Variants in SORCS1 observed in about 807,000 individuals in gnomAD.
The protein encoded by SORCS1 is VPS10 domain-containing receptor SorCS1.
Under a neutral mutation model 146.1 loss-of-function variants are expected in SORCS1, and 60 were observed. The ratio of observed to expected loss-of-function variants is 0.41; its 90% CI spans 0.33 to 0.51. The LOEUF is 0.51. Ranked by LOEUF, SORCS1 falls within the 20% of genes least tolerant of loss-of-function variation. The pLI is 0.21. For synonymous variants in SORCS1, 637 were observed against 584.0 expected, an observed-to-expected ratio of 1.09 and a Z score of -1.31; for missense variants, 1,352 against 1,487.6, an observed-to-expected ratio of 0.91 and a Z score of 1.50.
intron 2 of SORCS1, among the ~76,000 whole-genome samples, chr10:106,913,386 T>A (rs2138276407): frequency 6.6e-6 from 1 of 152,312 alleles, no homozygotes; most frequent in South Asian, 2.1e-4. Context: ...ACACCAATTC[T>A]TCATTTAAAT....
chr10:106,695,083 G>T (rs774007545), intron 9 of SORCS1, among the ~76,000 whole-genome samples: 3 of 151,958 alleles, frequency 2.0e-5, no homozygotes, highest in Admixed American at 2.0e-4. Context: ...CTGATGCACT[G>T]CATGATGCAC....
intron 2 of SORCS1, among the ~76,000 whole-genome samples, chr10:106,890,741 T>C (rs1037021335): frequency 6.6e-6 from 1 of 152,230 alleles, no homozygotes; most frequent in Non-Finnish European, 1.5e-5. Context: ...TTGGCCCTGT[T>C]TGTACCTCTA....
chr10:106,577,090 CTTG>C lies in SORCS1; in HGVS notation c.*327_*329del. On this transcript the variant is annotated 3_prime_UTR_variant, in exon 26 of 26. Coordinates refer to ENST00000263054, the MANE Select transcript of SORCS1 (RefSeq NM_052918.5). The stretch of plus-strand genomic sequence containing the variant: ...ATGCACAGGCTTAAAGCTAAAAACC[CTTG>C]TTGTCTGTGTCTGAAGAATTAAAAA... The C allele has an allele frequency of 2.7e-6, 2 of 735,014 alleles. No homozygotes were observed. Among genetic ancestry groups the C allele is most frequent in the South Asian group, 1.8e-5 (1 of 55,852 alleles). 45.5% of individuals were successfully genotyped at this position (735,014 alleles called of 1,614,324 possible). A position where few individuals can be genotyped will look rare whatever the true frequency, so the allele number is the denominator to read the frequency against.
At chr10:106,872,529 G>A (rs1950450540) in intron 2 of SORCS1, among the ~76,000 whole-genome samples, 1 of 152,174 alleles carries the variant, frequency 6.6e-6, no homozygotes, top group South Asian at 2.1e-4. Flanking sequence ...TAGAATAATG[G>A]CTCTGGAGTT....
chr10:107,155,950 A>G (rs1969249991), intron 1 of SORCS1, among the ~76,000 whole-genome samples: 1 of 152,176 alleles, frequency 6.6e-6, no homozygotes. Context: ...AGCACATCCC[A>G]CACATCTTCC....
At chr10:106,859,221 T>G (rs1283007103) in intron 2 of SORCS1, among the ~76,000 whole-genome samples, 1 of 152,182 alleles carries the variant, frequency 6.6e-6, no homozygotes, top group African/African-American at 2.4e-5. Context: ...CAGCCTTTGT[T>G]CTTTCTTCCA....
rs571865264 is a variant in SORCS1 at position 106,919,317 on chromosome 10, G to T, written c.626+37196C>A. On this transcript the variant is annotated intron_variant, in intron 2 of 25. Transcript: ENST00000263054. ...GTCTTCTGATTTTAAACCATATGGGGTTTTTCCCCCTTCAGATCCCAGTGA... is the reference window on the plus strand; with the variant it reads ...GTCTTCTGATTTTAAACCATATGGGTTTTTTCCCCCTTCAGATCCCAGTGA... Among the ~76,000 whole-genome samples the T allele has an allele frequency of 3.3e-5, 5 of 152,286 alleles. No individual in the cohort carries two copies. In the South Asian group the frequency reaches 6.2e-4, roughly 19 times the overall value.
chr10:106,615,054 A>T (rs56378988), intron 21 of SORCS1, among the ~76,000 whole-genome samples: 148,448 of 152,160 alleles, frequency 0.98, 72,501 homozygotes, highest in East Asian at 1. Context: ...TGACAATAGG[A>T]CTTCATGTTC....
chr10:106,924,180 G>T (rs796718804), intron 2 of SORCS1, among the ~76,000 whole-genome samples: 3 of 151,712 alleles, frequency 2.0e-5, no homozygotes, highest in African/African-American at 7.2e-5. Context: ...CTTGAACCCG[G>T]GAGGTGGAGG....
chr10:107,013,011 A>C (rs1037371977), intron 1 of SORCS1, among the ~76,000 whole-genome samples: 1 of 152,092 alleles, frequency 6.6e-6, no homozygotes, highest in Non-Finnish European at 1.5e-5. Flanking sequence ...TTATCTGTCA[A>C]TGTGTCCAAT....
intron 6 of SORCS1, among the ~76,000 whole-genome samples, chr10:106,711,959 C>G (rs1202954762): frequency 6.6e-6 from 1 of 152,180 alleles, no homozygotes; most frequent in South Asian, 2.1e-4. Flanking sequence ...ACGATAAGAA[C>G]TGGGCTTGAA....
At chr10:107,113,519 G>A (rs1965827077) in intron 1 of SORCS1, among the ~76,000 whole-genome samples, 1 of 151,676 alleles carries the variant, frequency 6.6e-6, no homozygotes, top group Non-Finnish European at 1.5e-5. Flanking sequence ...GTGAAATCCT[G>A]TCTCTACTAA....
intron 5 of SORCS1, among the ~76,000 whole-genome samples, chr10:106,754,216 G>T (rs917857744): frequency 5.3e-5 from 8 of 152,160 alleles, no homozygotes; most frequent in Admixed American, 2.0e-4. Flanking sequence ...AGTTTTTCTG[G>T]AACAAGCAAG....
chr10:107,010,598 C>T (rs1439127797), intron 1 of SORCS1, among the ~76,000 whole-genome samples: 3 of 152,178 alleles, frequency 2.0e-5, no homozygotes, highest in Non-Finnish European at 4.4e-5. Context: ...CAGGCGTTTG[C>T]CTTATCCACA....
At chr10:107,173,044 A>G in the SORCS1 span, among the ~76,000 whole-genome samples, 15 of 152,318 alleles carry the variant, frequency 9.8e-5, no homozygotes, top group Non-Finnish European at 2.1e-4. Flanking sequence ...AACCACAAAG[A>G]TGAAGATAGA....
chr10:106,726,744 CAT>C (rs1241401423), intron 6 of SORCS1, among the ~76,000 whole-genome samples: 2 of 152,158 alleles, frequency 1.3e-5, no homozygotes, highest in African/African-American at 4.8e-5. Context: ...CTACTCAAAG[CAT>C]GTTTCACAGA....
chr10:106,992,145 A>G (rs1956794460), intron 1 of SORCS1, among the ~76,000 whole-genome samples: 2 of 152,138 alleles, frequency 1.3e-5, no homozygotes, highest in South Asian at 4.2e-4. Context: ...GCTTGTTTGT[A>G]TTTACTTCTC....
rs1357040518 is a variant in SORCS1, at chr10:106,593,075, T to A, written c.3265+4276A>T. On this transcript the variant is annotated intron_variant, in intron 24 of 25. Transcript: ENST00000263054. Reference sequence around the variant, plus strand: ...GCCCAGGGGGCAGAGGTTGCAGTGATCCGAGATCATGCCACTTCACTCCAG... The same window carrying A: ...GCCCAGGGGGCAGAGGTTGCAGTGAACCGAGATCATGCCACTTCACTCCAG... Among the ~76,000 whole-genome samples the A allele has an allele frequency of 6.1e-5, 9 of 148,192 alleles. No individual in the cohort carries two copies. The Admixed American group carries it at 6.1e-4, about 10-fold the overall frequency.
At chr10:107,008,450 T>C (rs1033596460) in intron 1 of SORCS1, among the ~76,000 whole-genome samples, 4 of 152,232 alleles carry the variant, frequency 2.6e-5, no homozygotes, top group African/African-American at 9.6e-5. Context: ...TTGATTAAAA[T>C]GCAGTTGTAG....
Sources: gnomAD v4.1 joint callset for allele counts (sites outside exome capture counted in the v4.1 genomes callset) on GRCh38, gnomAD v4.1.1 for gene constraint, MANE v1.5 for transcripts, NCBI Gene and HGNC (gene_info 2026-07-23, HGNC 2026-07-21) for gene names.